SCN11A: variants seen among roughly 807,000 people sequenced by gnomAD.
SCN11A encodes the protein sodium channel protein type 11 subunit alpha.
Under a neutral mutation model 162.2 loss-of-function variants are expected in SCN11A, and 122 were observed. The observed-to-expected ratio is 0.75, with a 90% CI of 0.65 to 0.87. SCN11A has a LOEUF of 0.87. Ranked by LOEUF, SCN11A falls within the 40% of genes least tolerant of loss-of-function variation. The pLI is 0.00. For missense variants in SCN11A, 2,015 were observed against 2,181.6 expected (o/e 0.92, Z 1.52); for synonymous variants, 758 against 751.5 (o/e 1.01, Z -0.14).
intron 28 of SCN11A, among the ~76,000 whole-genome samples, chr3:38,858,000 C>T (rs1443223805): frequency 2.0e-5 from 3 of 152,060 alleles, no homozygotes; most frequent in Non-Finnish European, 4.4e-5. Context: ...AAAAGGAGTT[C>T]TAAATTATGA....
At chr3:38,895,040 T>C in intron 18 of SCN11A, 76 bp from the exon 19 acceptor site, 2 of 1,355,212 alleles carry the variant, frequency 1.5e-6, no homozygotes, top group South Asian at 1.5e-5. Context: ...CAGGACAACT[T>C]TTCCCCAAGA....
chr3:38,898,006 T>C (rs1417733337), intron 17 of SCN11A, among the ~76,000 whole-genome samples: 3 of 151,830 alleles, frequency 2.0e-5, no homozygotes, highest in African/African-American at 7.3e-5. Flanking sequence ...GAGACTGAGG[T>C]GGGTGATCGC....
chr3:39,017,213 C>A, intron 2 of SCN11A, among the ~76,000 whole-genome samples: 1 of 152,208 alleles, frequency 6.6e-6, no homozygotes, highest in East Asian at 1.9e-4. Flanking sequence ...TGGCCTTCTG[C>A]AAACCAGAAA....
At position 38,850,667 on chromosome 3, in the gene SCN11A, T is replaced by C. The variant is rs1363866487; in HGVS notation, c.4141A>G (p.Ile1381Val). ...IIISLIILNM[I>V]SMMAESYNQP... ...TTGTATGATTCAGCCATCATGCTAA[T>C]CATGTTTAGGATAATGAGACTTATG... is the stretch of plus-strand genomic sequence containing the variant. Residue 1381 changes from isoleucine (I) to valine (V), a missense_variant, in exon 29 of 30, where the codon ATT (isoleucine) becomes GTT (valine). Ile to Val is a conservative substitution (Grantham distance 29). Transcript: ENST00000302328. 1.2e-6 allele frequency: 2 copies of C among 1,613,694 alleles called. No individual in the cohort carries two copies. The highest frequency in any genetic ancestry group is 2.2e-5 in the South Asian group (2 of 91,066).
At chr3:38,878,857 T>A (rs768932703) in intron 23 of SCN11A, among the ~76,000 whole-genome samples, 1 of 152,092 alleles carries the variant, frequency 6.6e-6, no homozygotes, top group African/African-American at 2.4e-5. Context: ...GACCACATGG[T>A]TTATGCTCAG....
chr3:38,890,016 T>C (rs1412562856), intron 19 of SCN11A, among the ~76,000 whole-genome samples: 1 of 151,580 alleles, frequency 6.6e-6, no homozygotes, highest in Non-Finnish European at 1.5e-5. Context: ...TCAGCATTTC[T>C]TATCTCTTCC....
intron 2 of SCN11A, among the ~76,000 whole-genome samples, chr3:38,982,023 A>G (rs552022279): frequency 1.3e-5 from 2 of 151,962 alleles, no homozygotes; most frequent in Non-Finnish European, 2.9e-5. Context: ...AAAAAAAAAA[A>G]CAAAACAAAA....
chr3:38,971,581 T>G (rs1017873369), intron 2 of SCN11A, among the ~76,000 whole-genome samples: 3 of 152,192 alleles, frequency 2.0e-5, no homozygotes, highest in Non-Finnish European at 2.9e-5. Flanking sequence ...TTTACTTCCT[T>G]TCCAAATCCA....
chr3:38,908,897 C>G (rs1228756829), intron 13 of SCN11A, 100 bp downstream of exon 13: 7 of 977,440 alleles, frequency 7.2e-6, no homozygotes, highest in Non-Finnish European at 1.1e-5. Context: ...AGCACTGAGA[C>G]CAGGCCAAGG....
Position 38,907,961 on chromosome 3 carries a change from AT to A in SCN11A, c.1460del (p.Asp487ValfsTer9). The A allele has an allele frequency of 1.9e-6, 3 of 1,597,808 alleles. No individual in the cohort carries two copies. The South Asian group carries it at 3.5e-5, about 18-fold the overall frequency. On this transcript the variant is annotated frameshift_variant, in exon 14 of 30. Transcript: ENST00000302328. LOFTEE classifies it high-confidence loss of function. ...GGAAAAGACTTACCTTTTTTTGGCA[AT>A]CTTCATCAGAATCTGACCCAGGAGG... is the stretch of plus-strand genomic sequence containing the variant. The part of the protein sequence containing the change: ...DQPPGSDSDE[D>X]CQKKPQLLEQ...
chr3:38,990,227 C>G (rs895481862), intron 2 of SCN11A, among the ~76,000 whole-genome samples: 6 of 152,200 alleles, frequency 3.9e-5, no homozygotes, highest in Non-Finnish European at 5.9e-5. Context: ...GGCACTCCAT[C>G]TCGACTTATC....
intron 2 of SCN11A, among the ~76,000 whole-genome samples, chr3:39,021,757 G>T (rs1002855382): frequency 1.3e-5 from 2 of 152,148 alleles, no homozygotes; most frequent in Non-Finnish European, 2.9e-5. Flanking sequence ...ACAATGATAC[G>T]ACTCAGGTAA....
At chr3:38,936,687 G>A (rs1423235953) in intron 7 of SCN11A, among the ~76,000 whole-genome samples, 1 of 150,764 alleles carries the variant, frequency 6.6e-6, no homozygotes, top group Non-Finnish European at 1.5e-5. Context: ...CCTCTTCAAG[G>A]AGAACTACAA....
rs115518066 is a variant in SCN11A, at chr3:38,990,528, T to C, written c.-279-30105A>G. ...CATAATTAGCATTAAAAGAGGTAAATTGGAGGAGGAGAGAGGAGCAAAGAT... is the reference window on the plus strand; with the variant it reads ...CATAATTAGCATTAAAAGAGGTAAACTGGAGGAGGAGAGAGGAGCAAAGAT... On this transcript the variant is annotated intron_variant, in intron 2 of 29. Coordinates refer to ENST00000302328, the MANE Select transcript of SCN11A (RefSeq NM_001349253.2). 1.2e-4 allele frequency among the ~76,000 whole-genome samples: 18 copies of C among 152,000 alleles called. No homozygotes were observed. In the South Asian group the frequency reaches 1.2e-3, roughly 11 times the overall value.
At chr3:38,877,170 T>C (rs2065229876) in intron 23 of SCN11A, among the ~76,000 whole-genome samples, 2 of 94,060 alleles carry the variant, frequency 2.1e-5, no homozygotes, top group Non-Finnish European at 3.9e-5. Flanking sequence ...ATATACTATA[T>C]ATATGGTATA....
chr3:38,851,881 C>CA (rs1482380484), intron 28 of SCN11A, among the ~76,000 whole-genome samples: 1 of 152,092 alleles, frequency 6.6e-6, no homozygotes, highest in Non-Finnish European at 1.5e-5. Flanking sequence ...CAAGAACCGT[C>CA]AGAGAATTCA....
intron 2 of SCN11A, among the ~76,000 whole-genome samples, chr3:39,000,747 C>A (rs2030783692): frequency 6.6e-6 from 1 of 152,086 alleles, no homozygotes; most frequent in African/African-American, 2.4e-5. Context: ...TTTTTAAATA[C>A]CGTGATTGGC....
At chr3:38,983,865 T>TA (rs139877559) in intron 2 of SCN11A, among the ~76,000 whole-genome samples, 12,569 of 152,256 alleles carry the variant, frequency 0.083, 730 homozygotes, top group African/African-American at 0.16. Context: ...AGAAATTACT[T>TA]AGAGATAAAC....
chr3:38,932,501 T>C (rs1336787795), intron 7 of SCN11A, among the ~76,000 whole-genome samples: 2 of 151,992 alleles, frequency 1.3e-5, no homozygotes, highest in East Asian at 1.9e-4. Context: ...ACCTGGAAAA[T>C]CGGGTCACTC....
Sources: gnomAD v4.1 joint callset for allele counts (sites outside exome capture counted in the v4.1 genomes callset) on GRCh38, gnomAD v4.1.1 for gene constraint, MANE v1.5 for transcripts, NCBI Gene and HGNC (gene_info 2026-07-23, HGNC 2026-07-21) for gene names.